PPFIA2: variants seen among roughly 807,000 people sequenced by gnomAD.
PPFIA2 encodes the protein PPFI scaffold protein A2, also known as liprin-alpha-2.
In PPFIA2, 46 loss-of-function variants were observed where a neutral mutation model predicts 175.5. The ratio of observed to expected loss-of-function variants is 0.26; its 90% CI spans 0.21 to 0.34. The LOEUF (loss-of-function observed/expected upper bound fraction) is 0.34. Among genes scored for constraint, PPFIA2 ranks in the 10% least tolerant of loss-of-function variants. The pLI, the probability that PPFIA2 is intolerant of heterozygous loss-of-function variation, is 1.00. For missense variants in PPFIA2, 1,179 were observed against 1,506.1 expected (o/e 0.78, Z 3.60); for synonymous variants, 568 against 511.4 (o/e 1.11, Z -1.49).
At chr12:81,644,044 G>T (rs553020768) in intron 4 of PPFIA2, among the ~76,000 whole-genome samples, 18 of 151,902 alleles carry the variant, frequency 1.2e-4, no homozygotes, top group Non-Finnish European at 2.1e-4. Context: ...AAGTTTTTTT[G>T]AATTAAATTC....
chr12:81,716,483 T>C (rs1259082414), intron 3 of PPFIA2, among the ~76,000 whole-genome samples: 5 of 151,472 alleles, frequency 3.3e-5, no homozygotes, highest in Non-Finnish European at 5.9e-5. Context: ...GTATAATCCA[T>C]GGTGATTGAG....
intron 21 of PPFIA2, among the ~76,000 whole-genome samples, chr12:81,328,637 T>G (rs542625330): frequency 1.2e-4 from 19 of 152,154 alleles, no homozygotes; most frequent in African/African-American, 4.3e-4. Flanking sequence ...TATACCAGAG[T>G]TTCTACCTGG....
intron 22 of PPFIA2, among the ~76,000 whole-genome samples, chr12:81,299,704 G>A (rs954606107): frequency 5.9e-5 from 9 of 152,108 alleles, no homozygotes; most frequent in Non-Finnish European, 1.2e-4. Context: ...TGGCCCAAAT[G>A]TTCATATTCA....
intron 4 of PPFIA2, among the ~76,000 whole-genome samples, chr12:81,590,898 C>G (rs2153442818): frequency 6.6e-6 from 1 of 152,082 alleles, no homozygotes; most frequent in East Asian, 1.9e-4. Flanking sequence ...AAATTGGTAC[C>G]AGGAGTGGGG....
At chr12:81,303,083 C>T (rs538213442) in intron 22 of PPFIA2, among the ~76,000 whole-genome samples, 1 of 152,128 alleles carries the variant, frequency 6.6e-6, no homozygotes, top group Admixed American at 6.5e-5. Flanking sequence ...TACTGCTGTT[C>T]TCCGTTCAAC....
rs192657033 is a variant in PPFIA2 at position 81,329,120 on chromosome 12, A to C, written c.2549-3250T>G. 5.3e-4 allele frequency among the ~76,000 whole-genome samples: 80 copies of C among 152,204 alleles called. 1 individual carries two copies. The highest frequency in any genetic ancestry group is 1.9e-3 in the African/African-American group (79 of 41,540). On this transcript the variant is annotated intron_variant, in intron 21 of 32. Transcript: ENST00000549396. Reference sequence around the variant, plus strand: ...TGCCTGGCCTAGCTTGTCATTCTCAAAATGATGAGTGCCTCAGAGGAGAAA... The same window carrying C: ...TGCCTGGCCTAGCTTGTCATTCTCACAATGATGAGTGCCTCAGAGGAGAAA...
At chr12:81,486,369 T>C (rs1468752114) in intron 4 of PPFIA2, among the ~76,000 whole-genome samples, 1 of 151,888 alleles carries the variant, frequency 6.6e-6, no homozygotes, top group Admixed American at 6.6e-5. Flanking sequence ...TTTCATTTTA[T>C]TATTATAACA....
chr12:81,259,659 A>G lies in PPFIA2; in HGVS notation c.*35T>C. 6.5e-7 allele frequency: 1 copy of G among 1,534,302 alleles called. No individual in the cohort carries two copies. Among genetic ancestry groups the G allele is most frequent in the Middle Eastern group, 1.7e-4 (1 of 5,978 alleles). The stretch of plus-strand genomic sequence containing the variant: ...AGGTAGAGTAGACTGAAAAGACGCC[A>G]TCTAAAATATACAATGGATAGCATT... On this transcript the variant is annotated splice_region_variant and 3_prime_UTR_variant, in exon 33 of 33. Transcript: ENST00000549396.
At chr12:81,355,580 T>C (rs1352140696) in intron 16 of PPFIA2, among the ~76,000 whole-genome samples, 1 of 152,210 alleles carries the variant, frequency 6.6e-6, no homozygotes. Context: ...TGAAAACCCA[T>C]CGTTTAGTGT....
In PPFIA2 at chr12:81,267,033, A is replaced by G; in HGVS notation, c.3487-13T>C. 1 of 1,595,142 alleles carries G rather than the reference A, an allele frequency of 6.3e-7. No homozygotes were observed. Among genetic ancestry groups the G allele is most frequent in the Non-Finnish European group, 8.6e-7 (1 of 1,163,564 alleles). ...GAATCTGCCTTGCCTGTTGACGTCA[A>G]ATTACAGTTACCATCACCGAAATCA... On this transcript the variant is annotated splice_polypyrimidine_tract_variant and intron_variant, in intron 29 of 32. Coordinates refer to ENST00000549396, the MANE Select transcript of PPFIA2 (RefSeq NM_003625.5).
Position 81,277,384 on chromosome 12 carries a change from T to C in PPFIA2, c.3243A>G (p.Leu1081=). The C allele has an allele frequency of 1.3e-6, 2 of 1,558,800 alleles. No individual in the cohort carries two copies. Among genetic ancestry groups the C allele is most frequent in the Non-Finnish European group, 1.7e-6 (2 of 1,153,266 alleles). Residue 1081 remains leucine (L), a synonymous_variant, in exon 28 of 33, where the codon TTA becomes TTG. Coordinates refer to ENST00000549396, the MANE Select transcript of PPFIA2 (RefSeq NM_003625.5). ...CTTTTCTGTCATAATTCAACCTCTTTAAGCACATAATTCCATATTGTAAAC... is the reference window on the plus strand; with the variant it reads ...CTTTTCTGTCATAATTCAACCTCTTCAAGCACATAATTCCATATTGTAAAC... ...RTSLQYGIMC[L]KRLNYDRKEL... is the part of the protein sequence containing the mutation.
chr12:81,510,026 C>T (rs753459343), intron 4 of PPFIA2, among the ~76,000 whole-genome samples: 4 of 152,118 alleles, frequency 2.6e-5, no homozygotes, highest in African/African-American at 9.7e-5. Flanking sequence ...CTATGCTTCA[C>T]GTTTTGGTTT....
chr12:81,711,776 C>A (rs1265611764), intron 3 of PPFIA2, among the ~76,000 whole-genome samples: 2 of 149,776 alleles, frequency 1.3e-5, no homozygotes, highest in Non-Finnish European at 3.0e-5. Context: ...ATGGGCTATA[C>A]TTACATTTTT....
intron 14 of PPFIA2, among the ~76,000 whole-genome samples, chr12:81,366,702 T>C (rs1271692502): frequency 6.6e-6 from 1 of 151,828 alleles, no homozygotes; most frequent in Non-Finnish European, 1.5e-5. Context: ...AGCATAATTC[T>C]ATTTATAATA....
At position 81,260,651 on chromosome 12, in the gene PPFIA2, A is replaced by G. The variant is rs563112520; in HGVS notation, c.*34-991T>C. 1.5e-3 allele frequency: 231 copies of G among 152,280 alleles called. 1 individual carries two copies. The highest frequency in any genetic ancestry group is 5.2e-3 in the African/African-American group (215 of 41,548). The allele number at this position is 152,280 out of a possible 1,614,324, so 9.4% of individuals were successfully genotyped here. On this transcript the variant is annotated intron_variant, in intron 32 of 32. Transcript: ENST00000549396. The stretch of plus-strand genomic sequence containing the variant: ...ATGCTTTTCATTTTATCAGCTTCAA[A>G]TAGTGATCCAAATAAGGCAGCATAT...
intron 3 of PPFIA2, among the ~76,000 whole-genome samples, chr12:81,701,914 C>CT (rs1472255262): frequency 3.9e-5 from 2 of 51,944 alleles, no homozygotes; most frequent in East Asian, 5.0e-4. Flanking sequence ...TATGGGAAGA[C>CT]TAAAAAAAAA....
rs184868281 is a variant in PPFIA2 at position 81,428,700 on chromosome 12, A to T, written c.645+11272T>A. ...ACTTTTAGTTTACCAATCTAAAATT[A>T]AAAAAAAATCCATTGTTCAACCATT... On this transcript the variant is annotated intron_variant, in intron 7 of 32. Coordinates refer to ENST00000549396, the MANE Select transcript of PPFIA2 (RefSeq NM_003625.5). 3.0e-4 allele frequency among the ~76,000 whole-genome samples: 45 copies of T among 150,326 alleles called. 1 individual carries two copies. Among genetic ancestry groups the T allele is most frequent in the South Asian group, 4.2e-4 (2 of 4,802 alleles).
At chr12:81,666,776 A>G (rs2070399907) in intron 4 of PPFIA2, among the ~76,000 whole-genome samples, 1 of 152,140 alleles carries the variant, frequency 6.6e-6, no homozygotes. Context: ...AATAAAAAAA[A>G]GAAAAAGAAA....
chr12:81,665,151 C>T (rs1037665954), intron 4 of PPFIA2, among the ~76,000 whole-genome samples: 1 of 151,860 alleles, frequency 6.6e-6, no homozygotes, highest in Non-Finnish European at 1.5e-5. Context: ...CAAACCTGCA[C>T]GTTGTGCACA....
Sources: allele counts gnomAD v4.1 joint callset (sites outside exome capture counted in the v4.1 genomes callset), GRCh38; gene constraint gnomAD v4.1.1; transcripts MANE v1.5; gene names NCBI Gene and HGNC (gene_info 2026-07-23, HGNC 2026-07-21).